Variants in WDR49 observed in about 807,000 individuals in gnomAD.
WDR49 encodes WD repeat domain 49.
A neutral mutation model predicts 119.5 loss-of-function variants in WDR49; 107 were observed. The observed-to-expected ratio is 0.90, with a 90% confidence interval of 0.77 to 1.05. WDR49 has a LOEUF of 1.05. Among genes scored for constraint, WDR49 ranks in the 50% least tolerant of loss-of-function variants. The pLI, the probability that WDR49 is intolerant of heterozygous loss-of-function variation, is 0.00. For missense variants in WDR49, 1,240 were observed against 1,220.5 expected (o/e 1.02, Z -0.24); for synonymous variants, 425 against 418.8 (o/e 1.01, Z -0.18).
chr3:167,484,831 C>A (rs1428159741), intron 18 of WDR49, among the ~76,000 whole-genome samples: 1 of 151,878 alleles, frequency 6.6e-6, no homozygotes, highest in Admixed American at 6.6e-5. Context: ...TTTGACTCAG[C>A]AATCCCATTA....
intron 13 of WDR49, 102 bp from the exon 14 acceptor site, chr3:167,529,341 G>A (rs1056915955): frequency 4.9e-5 from 52 of 1,067,990 alleles, no homozygotes; most frequent in Non-Finnish European, 6.9e-5. Context: ...TGTTGAAGAG[G>A]TGAGTAGCCC....
chr3:167,537,321 T>C (rs1311964056), intron 10 of WDR49, among the ~76,000 whole-genome samples: 2 of 152,166 alleles, frequency 1.3e-5, no homozygotes, highest in Non-Finnish European at 2.9e-5. Flanking sequence ...ACATGGGTAT[T>C]ATGAAATCAC....
At chr3:167,592,437 C>CTTTTTTT (rs372398450) in intron 7 of WDR49, among the ~76,000 whole-genome samples, 11 of 133,332 alleles carry the variant, frequency 8.3e-5, no homozygotes, top group Non-Finnish European at 1.3e-4. Flanking sequence ...TTTTCTTTTT[C>CTTTTTTT]TTTTTTTTTT....
chr3:167,488,502 T>C (rs1336875227), intron 18 of WDR49, among the ~76,000 whole-genome samples: 1 of 151,998 alleles, frequency 6.6e-6, no homozygotes, highest in Non-Finnish European at 1.5e-5. Context: ...GTTCCCTGTA[T>C]CTAAAATAAA....
intron 5 of WDR49, among the ~76,000 whole-genome samples, chr3:167,617,489 G>A (rs921865231): frequency 6.6e-5 from 10 of 152,202 alleles, no homozygotes; most frequent in African/African-American, 2.4e-4. Context: ...TCGCACCACT[G>A]CACTCCAGCC....
At chr3:167,583,433 A>C (rs902788023) in intron 7 of WDR49, among the ~76,000 whole-genome samples, 2 of 151,866 alleles carry the variant, frequency 1.3e-5, no homozygotes, top group African/African-American at 4.8e-5. Context: ...TGGTGGCCAC[A>C]TCTGTAATCT....
At chr3:167,640,174 A>G (rs1270633964) in intron 2 of WDR49, among the ~76,000 whole-genome samples, 5 of 151,854 alleles carry the variant, frequency 3.3e-5, no homozygotes, top group Non-Finnish European at 5.9e-5. Context: ...ACCCGCATAT[A>G]TAATGACCTA....
intron 17 of WDR49, 42 bp downstream of exon 17, chr3:167,505,264 TA>T (rs1469175501): frequency 7.1e-7 from 1 of 1,404,032 alleles, no homozygotes; most frequent in Non-Finnish European, 9.3e-7. Flanking sequence ...ACTAATCTGT[TA>T]AATAATATTA....
intron 7 of WDR49, among the ~76,000 whole-genome samples, chr3:167,595,084 A>G (rs1281235969): frequency 6.6e-6 from 1 of 151,242 alleles, no homozygotes; most frequent in African/African-American, 2.4e-5. Flanking sequence ...ACAGACAAAC[A>G]GAGAGCCAAA....
intron 2 of WDR49, among the ~76,000 whole-genome samples, chr3:167,646,859 G>A (rs1476721244): frequency 6.6e-6 from 1 of 152,070 alleles, no homozygotes; most frequent in Non-Finnish European, 1.5e-5. Context: ...CACATCCATA[G>A]AACGTTGGTG....
intron 10 of WDR49, 117 bp downstream of exon 10, chr3:167,554,533 A>G (rs536693812): frequency 4.5e-5 from 25 of 555,642 alleles, no homozygotes; most frequent in Non-Finnish European, 6.2e-5. Flanking sequence ...GTCAATTCCA[A>G]CTAGGGTATC....
Position 167,630,490 on chromosome 3 carries a change from C to T in WDR49, c.166-3198G>A, listed in dbSNP as rs527903999. Among the ~76,000 whole-genome samples, 7 of 152,132 alleles carry T rather than the reference C, an allele frequency of 4.6e-5. No homozygotes were observed. The East Asian group carries it at 1.2e-3, about 25-fold the overall frequency. ...TACTGCAGTGGTCTGGAACCAAATC[C>T]GCAATATCTCCGAGGTATGCCTGTC... is the stretch of plus-strand genomic sequence containing the variant. On this transcript the variant is annotated intron_variant, in intron 2 of 18. Transcript: ENST00000682715.
chr3:167,545,995 A>G (rs892346653), intron 10 of WDR49, among the ~76,000 whole-genome samples: 1 of 151,926 alleles, frequency 6.6e-6, no homozygotes, highest in Non-Finnish European at 1.5e-5. Context: ...TTAATCTCAT[A>G]GTAACTTTAT....
intron 13 of WDR49, 76 bp downstream of exon 13, chr3:167,531,039 G>T: frequency 6.8e-7 from 1 of 1,459,974 alleles, no homozygotes; most frequent in Non-Finnish European, 9.3e-7. Flanking sequence ...AATTCTACAA[G>T]ATCTAGTAGA....
intron 8 of WDR49, among the ~76,000 whole-genome samples, chr3:167,564,351 G>T (rs975982224): frequency 6.6e-6 from 1 of 152,134 alleles, no homozygotes; most frequent in African/African-American, 2.4e-5. Context: ...TGGAATACAA[G>T]AATAACAATA....
chr3:167,620,138 T>G (rs1716797740), intron 5 of WDR49, among the ~76,000 whole-genome samples: 2 of 151,982 alleles, frequency 1.3e-5, no homozygotes, highest in African/African-American at 4.8e-5. Flanking sequence ...AGGCTCAGAG[T>G]TGAGTTGAAG....
chr3:167,505,241 C>T, intron 17 of WDR49, 66 bp downstream of exon 17: 1 of 1,323,226 alleles, frequency 7.6e-7, no homozygotes. Context: ...ACAGAGTAGA[C>T]ATTTGTATTC....
At chr3:167,534,079 C>T (rs941003594) in intron 11 of WDR49, among the ~76,000 whole-genome samples, 2 of 151,918 alleles carry the variant, frequency 1.3e-5, no homozygotes, top group Non-Finnish European at 2.9e-5. Context: ...CCTGTAATCC[C>T]AGCTACTAGG....
At chr3:167,522,192 TTTGGAGAAATC>T in intron 16 of WDR49, 112 bp downstream of exon 16, 1 of 981,378 alleles carries the variant, frequency 1.0e-6, no homozygotes, top group Non-Finnish European at 1.4e-6. Flanking sequence ...TCCCCCAAAT[TTTGGAGAAATC>T]TTGAGGTAGT....
Sources: gnomAD v4.1 joint callset for allele counts (sites outside exome capture counted in the v4.1 genomes callset) on GRCh38, gnomAD v4.1.1 for gene constraint, MANE v1.5 for transcripts, NCBI Gene and HGNC (gene_info 2026-07-23, HGNC 2026-07-21) for gene names.